The following TNR variants were observed in gnomAD, a reference collection of about 807,000 sequenced individuals.
TNR encodes tenascin R, also known as tenascin-R.
Under a neutral mutation model 150.4 loss-of-function variants are expected in TNR, and 45 were observed. That is an observed-to-expected ratio of 0.30 (90% CI 0.24 to 0.38). The LOEUF (loss-of-function observed/expected upper bound fraction) is 0.38, where lower values mean the gene tolerates loss of function less well. Among genes scored for constraint, TNR ranks in the 10% least tolerant of loss-of-function variants. The pLI, the probability that TNR is intolerant of heterozygous loss-of-function variation, is 1.00. For missense variants in TNR, 1,544 were observed against 1,759.1 expected (o/e 0.88, Z 2.19); for synonymous variants, 687 against 678.4 (o/e 1.01, Z -0.20).
chr1:175,363,251 C>T (rs918362552), intron 13 of TNR, among the ~76,000 whole-genome samples: 2 of 152,188 alleles, frequency 1.3e-5, no homozygotes, highest in Non-Finnish European at 2.9e-5. Flanking sequence ...AGGTCTGGGC[C>T]AGTTTCCTCT....
At chr1:175,557,542 T>G (rs1192735693) in intron 1 of TNR, among the ~76,000 whole-genome samples, 1 of 152,184 alleles carries the variant, frequency 6.6e-6, no homozygotes, top group Non-Finnish European at 1.5e-5. Flanking sequence ...TGAACTTTGA[T>G]AGCTTTGAGA....
At chr1:175,517,063 G>GAA (rs1659444566) in intron 2 of TNR, among the ~76,000 whole-genome samples, 7 of 146,506 alleles carry the variant, frequency 4.8e-5, no homozygotes, top group African/African-American at 1.9e-4. Context: ...GAGAGAAAGA[G>GAA]AGAGAGACCT....
At chr1:175,649,893 G>A (rs1403014163) in intron 1 of TNR, among the ~76,000 whole-genome samples, 2 of 152,136 alleles carry the variant, frequency 1.3e-5, no homozygotes, top group Admixed American at 1.3e-4. Flanking sequence ...ATCTTTGCAA[G>A]TGATGTTTCC....
rs1412696164 is a variant in TNR, at chr1:175,347,706, C to T, written c.3382+6685G>A. Among the ~76,000 whole-genome samples, 4 of 152,100 alleles carry T rather than the reference C, an allele frequency of 2.6e-5. No homozygotes were observed. The East Asian group carries it at 7.7e-4, about 29-fold the overall frequency. ...AAAGTGCTGGGATTACAGGTGTGAG[C>T]CACTGCGCCTGGCCTAAATAGTTTT... On this transcript the variant is annotated intron_variant, in intron 18 of 22. Transcript: ENST00000367674.
At position 175,319,800 on chromosome 1, in the gene TNR, G is replaced by A. The variant is rs529315286; in HGVS notation, c.*3557C>T. The A allele has an allele frequency of 7.7e-4, 117 of 152,322 alleles. 1 individual carries two copies. The highest frequency in any genetic ancestry group is 2.7e-3 in the African/African-American group (114 of 41,580). The allele number at this position is 152,322 out of a possible 1,614,324, so 9.4% of individuals were successfully genotyped here. ...CAACCCCGCTGACGTTTCACACGGGGTTTCAGGAGGTGACTGCCACCTTGT... is the reference window on the plus strand; with the variant it reads ...CAACCCCGCTGACGTTTCACACGGGATTTCAGGAGGTGACTGCCACCTTGT... On this transcript the variant is annotated 3_prime_UTR_variant, in exon 23 of 23. Coordinates refer to ENST00000367674, the MANE Select transcript of TNR (RefSeq NM_003285.3).
chr1:175,530,331 C>T (rs1432392637), intron 1 of TNR, among the ~76,000 whole-genome samples: 1 of 152,072 alleles, frequency 6.6e-6, no homozygotes, highest in Non-Finnish European at 1.5e-5. Context: ...GTCTTAGGGC[C>T]CCACACACAC....
In TNR at chr1:175,324,397, T is replaced by C; in HGVS notation, c.3916A>G (p.Thr1306Ala). 1.2e-6 allele frequency: 2 copies of C among 1,614,112 alleles called. No individual in the cohort carries two copies. The highest frequency in any genetic ancestry group is 1.7e-6 in the Non-Finnish European group (2 of 1,180,014). ...GAWWYKNCHR[T>A]NLNGKYGESR... is the part of the protein sequence containing the mutation. ...TCCCCGTACTTCCCATTGAGGTTGG[T>C]CCGGTGGCAGTTCTTATACCACCAT... The change falls in exon 22 of 23, where the codon ACC (threonine) becomes GCC (alanine). Residue 1306 changes from threonine to alanine, a missense_variant. This residue lies in a region of TNR where 290 missense variants were observed against 429.7 expected (regional missense o/e 0.67). Coordinates refer to ENST00000367674, the MANE Select transcript of TNR (RefSeq NM_003285.3).
At chr1:175,606,754 C>T (rs980098596) in intron 1 of TNR, among the ~76,000 whole-genome samples, 2 of 152,196 alleles carry the variant, frequency 1.3e-5, no homozygotes, top group Admixed American at 6.5e-5. Context: ...TAGCCCTCGA[C>T]CACTGGAGCA....
intron 2 of TNR, among the ~76,000 whole-genome samples, chr1:175,501,464 A>G (rs1025321665): frequency 1.3e-5 from 2 of 152,198 alleles, no homozygotes; most frequent in African/African-American, 4.8e-5. Context: ...CTGAGTTCCA[A>G]GTGAGAAACT....
intron 2 of TNR, among the ~76,000 whole-genome samples, chr1:175,407,503 A>G (rs1654018616): frequency 6.6e-6 from 1 of 152,238 alleles, no homozygotes; most frequent in Non-Finnish European, 1.5e-5. Context: ...ACCAAGAACC[A>G]TAGAGTACAA....
chr1:175,408,995 G>C (rs1654083542), intron 2 of TNR, among the ~76,000 whole-genome samples: 2 of 152,192 alleles, frequency 1.3e-5, no homozygotes, highest in Non-Finnish European at 2.9e-5. Context: ...AAACCTTGGG[G>C]ATAGGTAGAG....
intron 5 of TNR, among the ~76,000 whole-genome samples, chr1:175,396,186 C>T (rs1189561938): frequency 2.0e-5 from 3 of 152,190 alleles, no homozygotes; most frequent in African/African-American, 2.4e-5. Flanking sequence ...GGTCCTAGTT[C>T]ATATCTCCTT....
At chr1:175,389,845 G>C (rs1246345227) in intron 7 of TNR, among the ~76,000 whole-genome samples, 1 of 152,140 alleles carries the variant, frequency 6.6e-6, no homozygotes, top group Non-Finnish European at 1.5e-5. Context: ...CCTTCTGGAG[G>C]GATTCCTACA....
At chr1:175,659,477 G>A (rs1665295203) in intron 1 of TNR, among the ~76,000 whole-genome samples, 1 of 152,158 alleles carries the variant, frequency 6.6e-6, no homozygotes, top group Non-Finnish European at 1.5e-5. Context: ...GTTGACCTAT[G>A]GGCTCCACTT....
Position 175,316,971 on chromosome 1 carries a change from G to A in TNR, c.*6386C>T. ...TCACTCAGCTAAATAAATATAAAGAGCAGCCTCATGAAGTGGAAAAATCAA... is the reference window on the plus strand; with the variant it reads ...TCACTCAGCTAAATAAATATAAAGAACAGCCTCATGAAGTGGAAAAATCAA... On this transcript the variant is annotated 3_prime_UTR_variant, in exon 23 of 23. Transcript: ENST00000367674. The A allele has an allele frequency of 6.6e-6, 1 of 152,094 alleles. No individual in the cohort carries two copies. The highest frequency in any genetic ancestry group is 1.9e-4 in the East Asian group (1 of 5,196). The allele number at this position is 152,094 out of a possible 1,614,324, so 9.4% of individuals were successfully genotyped here. A position where few individuals can be genotyped will look rare whatever the true frequency, so the allele number is the denominator to read the frequency against.
In TNR at chr1:175,631,487, A is replaced by AT. The variant is rs997705252; in HGVS notation, c.-164-103119dup. ...CATTATGAGATTTTTTTCTTTGGTGATTTTTTTTTAGCTCACCAGCTGTTA... is the reference window on the plus strand; with the variant it reads ...CATTATGAGATTTTTTTCTTTGGTGATTTTTTTTTTAGCTCACCAGCTGTTA... On this transcript the variant is annotated intron_variant, in intron 1 of 22. Transcript: ENST00000367674. Among the ~76,000 whole-genome samples the AT allele has an allele frequency of 1.1e-4, 17 of 151,188 alleles. No individual in the cohort carries two copies. In the East Asian group the frequency reaches 1.2e-3, roughly 10 times the overall value.
At chr1:175,335,843 C>CA (rs755539587) in intron 19 of TNR, 36 bp from the exon 20 acceptor site, 20 of 1,570,062 alleles carry the variant, frequency 1.3e-5, no homozygotes, top group African/African-American at 6.9e-5. Flanking sequence ...AACAAACAAA[C>CA]AAAAAAACAA....
intron 1 of TNR, among the ~76,000 whole-genome samples, chr1:175,717,403 G>C (rs1368807876): frequency 6.6e-6 from 1 of 152,080 alleles, no homozygotes; most frequent in Non-Finnish European, 1.5e-5. Context: ...ATATACCCAG[G>C]TGACAAAACT....
chr1:175,493,478 T>A (rs1345251865), intron 2 of TNR, among the ~76,000 whole-genome samples: 2 of 152,172 alleles, frequency 1.3e-5, no homozygotes, highest in African/African-American at 4.8e-5. Context: ...TGGCCCTTGA[T>A]GTGCTAGGAG....
Sources: gnomAD v4.1 joint callset for allele counts (sites outside exome capture counted in the v4.1 genomes callset) on GRCh38, gnomAD v4.1.1 for gene constraint, gnomAD v4.1.1 regional missense constraint, MANE v1.5 for transcripts, NCBI Gene and HGNC (gene_info 2026-07-23, HGNC 2026-07-21) for gene names.